The following WASF1 variants were observed in gnomAD, a reference collection of about 807,000 sequenced individuals.
WASF1 encodes the protein actin-binding protein WASF1.
Under a neutral mutation model 50.5 loss-of-function variants are expected in WASF1, and 7 were observed. That is an observed-to-expected ratio of 0.14 (90% CI 0.08 to 0.26). The LOEUF is 0.26. WASF1 is among the 10% of genes least tolerant of loss of function. WASF1 has a pLI of 1.00. For missense variants in WASF1, 470 were observed against 694.7 expected, an observed-to-expected ratio of 0.68 and a Z score of 3.64; for synonymous variants, 205 against 244.0, an observed-to-expected ratio of 0.84 and a Z score of 1.49.
intron 4 of WASF1, among the ~76,000 whole-genome samples, chr6:110,116,371 A>G (rs537428680): frequency 2.0e-5 from 3 of 152,362 alleles, no homozygotes; most frequent in Non-Finnish European, 4.4e-5. Context: ...CCAGCAGACC[A>G]GGAGATACCC....
At chr6:110,149,582 G>A (rs185833476) in intron 3 of WASF1, among the ~76,000 whole-genome samples, 116 of 151,556 alleles carry the variant, frequency 7.7e-4, no homozygotes, top group African/African-American at 2.7e-3. Context: ...ATTCATATCC[G>A]ATTTTTGTAG....
At chr6:110,173,168 A>G (rs1276790549) in intron 2 of WASF1, among the ~76,000 whole-genome samples, 3 of 152,142 alleles carry the variant, frequency 2.0e-5, no homozygotes, top group Non-Finnish European at 4.4e-5. Context: ...AAAGGAATCA[A>G]ACAAGTTATT....
chr6:110,127,742 A>G lies in WASF1; in HGVS notation c.-28-113T>C, dbSNP rs1774479489. 3.9e-6 allele frequency: 4 copies of G among 1,014,452 alleles called. No homozygotes were observed. The African/African-American group carries it at 5.0e-5, about 13-fold the overall frequency. 62.8% of individuals were successfully genotyped at this position (1,014,452 alleles called of 1,614,324 possible). On this transcript the variant is annotated intron_variant, in intron 3 of 10. Coordinates refer to ENST00000392589, the MANE Select transcript of WASF1 (RefSeq NM_003931.3). ...TTGACCCTTGAACAACATGGATTTG[A>G]ACTGCCTGGGTCCACTTACTGGTGG...
intron 1 of WASF1, among the ~76,000 whole-genome samples, chr6:110,179,113 G>A (rs577954704): frequency 3.3e-4 from 50 of 152,330 alleles, no homozygotes; most frequent in African/African-American, 1.1e-3. Context: ...CCGCGGGCGC[G>A]GGTGGGCAGG....
Position 110,101,951 on chromosome 6 carries a change from G to A in WASF1, c.1159C>T (p.Pro387Ser). 6.2e-7 allele frequency: 1 copy of A among 1,605,610 alleles called. No homozygotes were observed. Among genetic ancestry groups the A allele is most frequent in the Non-Finnish European group, 8.5e-7 (1 of 1,176,040 alleles). Residue 387 changes from proline (P) to serine (S), a missense_variant, in exon 10 of 11, where the codon CCT becomes TCT. This residue lies in a region of WASF1 where 294 missense variants were observed against 343.5 expected (regional missense o/e 0.86). Coordinates refer to ENST00000392589, the MANE Select transcript of WASF1 (RefSeq NM_003931.3). ...IAPGVLHPAP[P>S]PIAPPLVQPS... is the part of the protein sequence containing the mutation. Reference sequence around the variant, plus strand: ...TGTACTAGAGGAGGTGCAATTGGAGGAGGAGCTGGGTGAAGAACTCCAGGG... The same window carrying A: ...TGTACTAGAGGAGGTGCAATTGGAGAAGGAGCTGGGTGAAGAACTCCAGGG...
intron 2 of WASF1, among the ~76,000 whole-genome samples, chr6:110,161,419 T>G (rs1478462151): frequency 6.6e-6 from 1 of 151,560 alleles, no homozygotes; most frequent in Non-Finnish European, 1.5e-5. Flanking sequence ...TATCCCTCTT[T>G]CTTCCACATA....
At chr6:110,141,195 T>C (rs183241698) in intron 3 of WASF1, among the ~76,000 whole-genome samples, 256 of 152,292 alleles carry the variant, frequency 1.7e-3, no homozygotes, top group African/African-American at 6.0e-3. Flanking sequence ...CCTTCCTTGG[T>C]TCCTTGTTGT....
At chr6:110,103,279 C>T in intron 9 of WASF1, 99 bp downstream of exon 9, 1 of 1,349,034 alleles carries the variant, frequency 7.4e-7, no homozygotes, top group Middle Eastern at 1.9e-4. Flanking sequence ...GTGACAAAAA[C>T]TGTAAGGCCC....
intron 3 of WASF1, among the ~76,000 whole-genome samples, chr6:110,146,723 G>T (rs1239502913): frequency 2.0e-5 from 3 of 151,862 alleles, no homozygotes; most frequent in African/African-American, 7.3e-5. Context: ...TTTCATTATT[G>T]TAAACTAAAA....
At chr6:110,175,381 C>T (rs1018363984) in intron 2 of WASF1, among the ~76,000 whole-genome samples, 2 of 152,074 alleles carry the variant, frequency 1.3e-5, no homozygotes, top group African/African-American at 2.4e-5. Flanking sequence ...AAAAATAACG[C>T]CTTTAAGAGA....
At chr6:110,129,079 T>C (rs1333370851) in intron 3 of WASF1, among the ~76,000 whole-genome samples, 1 of 151,010 alleles carries the variant, frequency 6.6e-6, no homozygotes, top group Non-Finnish European at 1.5e-5. Context: ...AGTCTACAAA[T>C]CACTGTTAAG....
intron 10 of WASF1, among the ~76,000 whole-genome samples, chr6:110,101,357 A>C (rs918068361): frequency 4.6e-5 from 7 of 152,210 alleles, no homozygotes; most frequent in African/African-American, 1.7e-4. Context: ...TTCACTCAAT[A>C]AACATTTTAA....
At chr6:110,138,202 G>A (rs930648855) in intron 3 of WASF1, among the ~76,000 whole-genome samples, 3 of 152,238 alleles carry the variant, frequency 2.0e-5, no homozygotes, top group African/African-American at 7.2e-5. Context: ...TCCCTGAGAG[G>A]CTGCGGCTGG....
chr6:110,149,503 GGAAA>G (rs1215357066), intron 3 of WASF1, among the ~76,000 whole-genome samples: 61 of 135,580 alleles, frequency 4.5e-4, no homozygotes, highest in African/African-American at 5.9e-4. Context: ...AAAAAAAAAA[GGAAA>G]GAAAGAAAGA....
At chr6:110,121,600 T>C (rs1774129088) in intron 4 of WASF1, among the ~76,000 whole-genome samples, 1 of 152,224 alleles carries the variant, frequency 6.6e-6, no homozygotes, top group East Asian at 1.9e-4. Flanking sequence ...TGTAAGTCAG[T>C]TCAACCATTG....
intron 2 of WASF1, among the ~76,000 whole-genome samples, chr6:110,165,756 C>T (rs181598565): frequency 6.6e-6 from 1 of 151,782 alleles, no homozygotes; most frequent in Admixed American, 6.6e-5. Flanking sequence ...CCAGCATCAG[C>T]AGCATCAACA....
intron 4 of WASF1, among the ~76,000 whole-genome samples, chr6:110,120,327 G>A (rs1034290060): frequency 6.6e-6 from 1 of 152,256 alleles, no homozygotes; most frequent in South Asian, 2.1e-4. Context: ...AAGCTGATAC[G>A]CAACTTCAGC....
intron 4 of WASF1, among the ~76,000 whole-genome samples, chr6:110,117,069 C>A (rs1583940617): frequency 7.0e-6 from 1 of 142,490 alleles, no homozygotes; most frequent in East Asian, 2.0e-4. Flanking sequence ...AGCAGAAAAG[C>A]TGAAAATTCG....
Position 110,112,429 on chromosome 6 carries a change from C to T in WASF1, c.268+897G>A, listed in dbSNP as rs376412214. Among the ~76,000 whole-genome samples, 20 of 151,986 alleles carry T rather than the reference C, an allele frequency of 1.3e-4. No homozygotes were observed. The East Asian group carries it at 2.7e-3, about 21-fold the overall frequency. ...AAGGCATAAAACATGATTTTACCAC[C>T]GAAGTTTCTACAATTATTTTAGCCT... On this transcript the variant is annotated intron_variant, in intron 5 of 10. Transcript: ENST00000392589.
Sources: allele counts gnomAD v4.1 joint callset (sites outside exome capture counted in the v4.1 genomes callset), GRCh38; gene constraint gnomAD v4.1.1; regional missense constraint gnomAD v4.1.1; transcripts MANE v1.5; gene names NCBI Gene and HGNC (gene_info 2026-07-23, HGNC 2026-07-21).